The following KIFC3 variants were observed in gnomAD, a reference collection of about 807,000 sequenced individuals.
The protein encoded by KIFC3 is kinesin family member C3.
A neutral mutation model predicts 101.8 loss-of-function variants in KIFC3; 60 were observed. That is an observed-to-expected ratio of 0.59 (90% CI 0.48 to 0.73). The LOEUF is 0.73. KIFC3 is among the 30% of genes least tolerant of loss of function. KIFC3 has a pLI of 0.00. For missense variants in KIFC3, 966 were observed against 1,137.1 expected, an observed-to-expected ratio of 0.85 and a Z score of 2.16; for synonymous variants, 476 against 482.7, an observed-to-expected ratio of 0.99 and a Z score of 0.18.
intron 1 of KIFC3, among the ~76,000 whole-genome samples, chr16:57,854,637 A>G (rs1234917871): frequency 6.6e-6 from 1 of 151,392 alleles, no homozygotes; most frequent in Non-Finnish European, 1.5e-5. Context: ...CAGAAAAAAA[A>G]AAAAAAAGAA....
Position 57,761,662 on chromosome 16 carries a change from C to T in KIFC3, c.1749-126G>A, listed in dbSNP as rs559313892. 129 of 1,021,966 alleles carry T rather than the reference C, an allele frequency of 1.3e-4. No homozygotes were observed. In the African/African-American group the frequency reaches 1.7e-3, roughly 14 times the overall value. The allele number at this position is 1,021,966 out of a possible 1,614,324, so 63.3% of individuals were successfully genotyped here. ...GCCTTCTCCAGCCATCAGCTGAGTG[C>T]ATCTCTCCTCCTCCAGCTCCTCCAC... On this transcript the variant is annotated intron_variant, in intron 13 of 19. Transcript: ENST00000445690.
At chr16:57,816,726 C>T in intron 1 of KIFC3, 1 of 456,656 alleles carries the variant, frequency 2.2e-6, no homozygotes, top group South Asian at 1.5e-5. Flanking sequence ...GAACTCTCCC[C>T]TCAGGGATCC....
chr16:57,853,915 G>C (rs891691345), intron 1 of KIFC3, among the ~76,000 whole-genome samples: 1 of 152,042 alleles, frequency 6.6e-6, no homozygotes, highest in Non-Finnish European at 1.5e-5. Context: ...TTATAGGTGT[G>C]AGCCACTGCA....
chr16:57,802,267 G>A lies in KIFC3; in HGVS notation c.-40+103C>T. On this transcript the variant is annotated intron_variant, in intron 1 of 19. Coordinates refer to ENST00000445690, the MANE Select transcript of KIFC3 (RefSeq NM_001130100.2). The surrounding 1 kb of genome is among the most constrained non-coding windows in gnomAD (Gnocchi z 5.0). ...GCGCCCATAGCGGGTCCGGGCAGAGGGGTCCCGAGGGCAGGGCCGGCCCGG... is the reference window on the plus strand; with the variant it reads ...GCGCCCATAGCGGGTCCGGGCAGAGAGGTCCCGAGGGCAGGGCCGGCCCGG... 1.8e-6 allele frequency: 1 copy of A among 566,558 alleles called. No individual in the cohort carries two copies. The highest frequency in any genetic ancestry group is 9.1e-4 in the Middle Eastern group (1 of 1,094). 35.1% of individuals were successfully genotyped at this position (566,558 alleles called of 1,614,324 possible).
At chr16:57,812,046 CTT>C (rs1205613960) in intron 1 of KIFC3, among the ~76,000 whole-genome samples, 20 of 131,722 alleles carry the variant, frequency 1.5e-4, no homozygotes, top group Admixed American at 2.2e-4. Flanking sequence ...CCGTCTCTCT[CTT>C]TTTTTTTTTT....
chr16:57,788,495 A>G, intron 3 of KIFC3: 3 of 1,190,260 alleles, frequency 2.5e-6, no homozygotes, highest in South Asian at 1.4e-5. Flanking sequence ...GGGCATGGGG[A>G]TATCACCAAC....
At chr16:57,825,820 T>C (rs1347925193) in intron 1 of KIFC3, among the ~76,000 whole-genome samples, 1 of 151,790 alleles carries the variant, frequency 6.6e-6, no homozygotes, top group Non-Finnish European at 1.5e-5. Flanking sequence ...GCTGGGGGAG[T>C]ACAGGTGTGC....
chr16:57,829,542 AC>A (rs2055531319), intron 1 of KIFC3, among the ~76,000 whole-genome samples: 1 of 152,248 alleles, frequency 6.6e-6, no homozygotes, highest in Non-Finnish European at 1.5e-5. Flanking sequence ...GGCGTGAGCC[AC>A]CATGCCTGGC....
At chr16:57,832,149 T>C (rs1432448783) in intron 1 of KIFC3, among the ~76,000 whole-genome samples, 1 of 151,828 alleles carries the variant, frequency 6.6e-6, no homozygotes, top group Admixed American at 6.6e-5. Flanking sequence ...GCCTCCCAAG[T>C]AGCTGGGACT....
At chr16:57,852,662 C>T (rs76437937) in intron 1 of KIFC3, among the ~76,000 whole-genome samples, 1,638 of 152,170 alleles carry the variant, frequency 0.011, 27 homozygotes, top group African/African-American at 0.038. Flanking sequence ...GCAAATATTC[C>T]GTCTTCAACT....
At chr16:57,842,848 G>A (rs1326154709) in intron 1 of KIFC3, among the ~76,000 whole-genome samples, 1 of 152,120 alleles carries the variant, frequency 6.6e-6, no homozygotes, top group Non-Finnish European at 1.5e-5. Flanking sequence ...ATATCATAGA[G>A]CAGCCGGGCA....
intron 3 of KIFC3, among the ~76,000 whole-genome samples, chr16:57,790,550 G>A (rs1023402709): frequency 1.3e-4 from 20 of 152,138 alleles, no homozygotes; most frequent in Non-Finnish European, 2.2e-4. Flanking sequence ...CAAGGCCCGT[G>A]TGTGAAGCCT....
At chr16:57,815,593 G>A in intron 1 of KIFC3, 1 of 1,289,916 alleles carries the variant, frequency 7.8e-7, no homozygotes, top group Non-Finnish European at 1.0e-6. Context: ...GGAGGCTGGG[G>A]GTGCCCCCAC....
chr16:57,858,288 T>C (rs951357396), intron 1 of KIFC3, among the ~76,000 whole-genome samples: 17 of 152,166 alleles, frequency 1.1e-4, no homozygotes, highest in Non-Finnish European at 2.1e-4. Context: ...AAATGTCCAT[T>C]ATATGTCTTC....
rs782053762 is a variant in KIFC3 at position 57,802,072 on chromosome 16, T to C, written c.-40+298A>G. 6.6e-6 allele frequency among the ~76,000 whole-genome samples: 1 copy of C among 152,014 alleles called. No individual in the cohort carries two copies. The highest frequency in any genetic ancestry group is 1.5e-5 in the Non-Finnish European group (1 of 67,966). ...CGCCGATTGACAAGCCCATCCCGGG[T>C]AGGGTCTGCGCTCTTCTCGTTCAAT... is the stretch of plus-strand genomic sequence containing the variant. On this transcript the variant is annotated intron_variant, in intron 1 of 19. Transcript: ENST00000445690. The surrounding 1 kb of genome is among the most constrained non-coding windows in gnomAD (Gnocchi z 5.0).
chr16:57,858,611 T>C (rs557235693), intron 1 of KIFC3, among the ~76,000 whole-genome samples: 18 of 152,174 alleles, frequency 1.2e-4, no homozygotes, highest in African/African-American at 4.3e-4. Flanking sequence ...TTCACAAACA[T>C]AGCTTTTTTT....
At chr16:57,856,904 T>C (rs1282964940) in intron 1 of KIFC3, among the ~76,000 whole-genome samples, 1 of 152,140 alleles carries the variant, frequency 6.6e-6, no homozygotes, top group Non-Finnish European at 1.5e-5. Flanking sequence ...CTAAAATCCT[T>C]CCAGAAAAGA....
At chr16:57,862,233 A>C (rs1393265946) in intron 1 of KIFC3, among the ~76,000 whole-genome samples, 31 of 138,278 alleles carry the variant, frequency 2.2e-4, no homozygotes, top group African/African-American at 8.6e-4. Flanking sequence ...GGTCTTTCCC[A>C]GGCTGGTCTC....
At chr16:57,795,264 T>G (rs1555622226) in intron 2 of KIFC3, 123 bp from the exon 3 acceptor site, 1 of 1,217,096 alleles carries the variant, frequency 8.2e-7, no homozygotes, top group African/African-American at 1.6e-5. Context: ...GGTCCAGATG[T>G]GGCCAGGAGG....
Sources: gnomAD v4.1 joint callset for allele counts (sites outside exome capture counted in the v4.1 genomes callset) on GRCh38, gnomAD v4.1.1 for gene constraint, Gnocchi (gnomAD v3.1) non-coding constraint, MANE v1.5 for transcripts, NCBI Gene and HGNC (gene_info 2026-07-23, HGNC 2026-07-21) for gene names.